The following MS4A4A variants were observed in gnomAD, a reference collection of about 807,000 sequenced individuals.
MS4A4A encodes the protein membrane-spanning 4-domains subfamily A member 4A.
MS4A4A carries 26 observed loss-of-function variants against 28.0 expected under a neutral mutation model. The ratio of observed to expected loss-of-function variants is 0.93; its 90% CI spans 0.68 to 1.29. MS4A4A has a LOEUF of 1.29. Ranked by LOEUF, MS4A4A falls within the 50% of genes most tolerant of loss-of-function variation. The pLI, the probability that MS4A4A is intolerant of heterozygous loss-of-function variation, is 0.00. For missense variants in MS4A4A, 290 were observed against 293.1 expected, an observed-to-expected ratio of 0.99 and a Z score of 0.08; for synonymous variants, 86 against 100.8, an observed-to-expected ratio of 0.85 and a Z score of 0.88.
At chr11:60,283,541 C>T (rs1469209998) in intron 1 of MS4A4A, among the ~76,000 whole-genome samples, 3 of 151,856 alleles carry the variant, frequency 2.0e-5, no homozygotes, top group Non-Finnish European at 4.4e-5. Context: ...GGAAGATTTG[C>T]GCCACCTTAC....
At chr11:60,297,420 T>A (rs950190127) in intron 3 of MS4A4A, 95 bp downstream of exon 3, 3 of 1,409,798 alleles carry the variant, frequency 2.1e-6, no homozygotes, top group Non-Finnish European at 2.9e-6. Flanking sequence ...ATCTTGTAAT[T>A]CTGTAAATCT....
At chr11:60,295,379 C>T (rs2135022340) in intron 2 of MS4A4A, among the ~76,000 whole-genome samples, 1 of 151,956 alleles carries the variant, frequency 6.6e-6, no homozygotes, top group Non-Finnish European at 1.5e-5. Context: ...TTGTTAGTTC[C>T]AGGAATTTTT....
At chr11:60,305,921 A>G in intron 5 of MS4A4A, 179 bp from the exon 6 acceptor site, 1 of 580,748 alleles carries the variant, frequency 1.7e-6, no homozygotes, top group South Asian at 2.3e-5. Flanking sequence ...TTTATCAGTG[A>G]AAAAAGTGAG....
chr11:60,295,437 C>A (rs1028800509), intron 2 of MS4A4A, among the ~76,000 whole-genome samples: 15 of 152,004 alleles, frequency 9.9e-5, no homozygotes, highest in Non-Finnish European at 1.8e-4. Context: ...CGTCTGGGAA[C>A]AAAGGCAGTT....
At chr11:60,285,027 C>CT (rs766448659) in intron 1 of MS4A4A, among the ~76,000 whole-genome samples, 9 of 152,114 alleles carry the variant, frequency 5.9e-5, no homozygotes, top group Non-Finnish European at 1.0e-4. Flanking sequence ...CAAAATTTCT[C>CT]TTTCAAAAAA....
At chr11:60,304,776 T>G (rs764269930) in intron 5 of MS4A4A, among the ~76,000 whole-genome samples, 2 of 152,212 alleles carry the variant, frequency 1.3e-5, no homozygotes, top group South Asian at 2.1e-4. Flanking sequence ...AAATCTAAAA[T>G]GTACATTATC....
intron 5 of MS4A4A, among the ~76,000 whole-genome samples, chr11:60,304,725 A>G (rs2084982694): frequency 6.6e-6 from 1 of 152,246 alleles, no homozygotes; most frequent in Admixed American, 6.5e-5. Context: ...GTGTTATAAC[A>G]GCAGGTTTGA....
chr11:60,300,077 GC>G (rs1421960250), intron 3 of MS4A4A, among the ~76,000 whole-genome samples: 5 of 151,988 alleles, frequency 3.3e-5, no homozygotes, highest in Admixed American at 6.6e-5. Flanking sequence ...AATTTATTGA[GC>G]TTTTTTATTA....
intron 4 of MS4A4A, among the ~76,000 whole-genome samples, chr11:60,301,952 G>T (rs2084956451): frequency 6.6e-6 from 1 of 152,072 alleles, no homozygotes; most frequent in African/African-American, 2.4e-5. Context: ...GCTAATTTTT[G>T]TATTTTTAGT....
At chr11:60,291,810 A>G (rs936178231) in intron 1 of MS4A4A, among the ~76,000 whole-genome samples, 2 of 148,470 alleles carry the variant, frequency 1.3e-5, no homozygotes, top group Non-Finnish European at 3.0e-5. Flanking sequence ...AAAAAAAAAC[A>G]AAAAAACAAA....
chr11:60,288,521 A>G (rs1053425714), intron 1 of MS4A4A, among the ~76,000 whole-genome samples: 3 of 152,158 alleles, frequency 2.0e-5, no homozygotes, highest in Non-Finnish European at 4.4e-5. Context: ...CAACACCAGC[A>G]TGGCTCCAGG....
intron 1 of MS4A4A, among the ~76,000 whole-genome samples, chr11:60,291,212 T>C (rs1443182901): frequency 6.6e-6 from 1 of 152,174 alleles, no homozygotes; most frequent in Non-Finnish European, 1.5e-5. Flanking sequence ...AAAAAATGAT[T>C]TGATGGATCC....
chr11:60,296,998 A>T, intron 2 of MS4A4A, 199 bp from the exon 3 acceptor site: 1 of 609,438 alleles, frequency 1.6e-6, no homozygotes, highest in South Asian at 2.0e-5. Context: ...ATTGGCAATG[A>T]TAGACGTCGC....
intron 4 of MS4A4A, among the ~76,000 whole-genome samples, chr11:60,301,841 G>T (rs569492911): frequency 2.0e-5 from 3 of 152,136 alleles, no homozygotes; most frequent in African/African-American, 7.2e-5. Context: ...GTGCAATGGC[G>T]TGATCTCGGC....
intron 6 of MS4A4A, among the ~76,000 whole-genome samples, chr11:60,306,884 C>G (rs1315860674): frequency 2.0e-5 from 3 of 152,168 alleles, no homozygotes; most frequent in African/African-American, 4.8e-5. Context: ...ATATCATGAT[C>G]TCAGACTTCT....
chr11:60,280,669 G>C lies in MS4A4A; in HGVS notation c.-7G>C. The C allele has an allele frequency of 6.2e-7, 1 of 1,613,510 alleles. No homozygotes were observed. On this transcript the variant is annotated 5_prime_UTR_variant, in exon 1 of 7. Coordinates refer to ENST00000337908, the MANE Select transcript of MS4A4A (RefSeq NM_148975.3). ...AAGAACTTTGAGGAACTTGCCCAGA[G>C]CCCTGCATGCATCAGACCTACAGCA... is the stretch of plus-strand genomic sequence containing the variant.
At chr11:60,282,008 T>G (rs1055629908) in intron 1 of MS4A4A, among the ~76,000 whole-genome samples, 3 of 152,184 alleles carry the variant, frequency 2.0e-5, no homozygotes, top group Admixed American at 2.0e-4. Context: ...GTGCCGTAGA[T>G]AATTAACACA....
intron 3 of MS4A4A, 43 bp downstream of exon 3, chr11:60,297,368 C>A: frequency 6.2e-7 from 1 of 1,603,382 alleles, no homozygotes; most frequent in South Asian, 1.1e-5. Flanking sequence ...TAACATAAAG[C>A]AGTTGTCAAT....
chr11:60,300,548 G>A (rs1301002463), intron 3 of MS4A4A, among the ~76,000 whole-genome samples: 7 of 147,918 alleles, frequency 4.7e-5, no homozygotes, highest in African/African-American at 7.6e-5. Context: ...CCCGGGAGGC[G>A]GAGCTTGCAG....
Sources: gnomAD v4.1 joint callset for allele counts (sites outside exome capture counted in the v4.1 genomes callset) on GRCh38, gnomAD v4.1.1 for gene constraint, MANE v1.5 for transcripts, NCBI Gene and HGNC (gene_info 2026-07-23, HGNC 2026-07-21) for gene names.